Variants in PAK3 observed in about 807,000 individuals in gnomAD.
PAK3 encodes serine/threonine-protein kinase PAK 3.
A neutral mutation model predicts 41.0 loss-of-function variants in PAK3; 4 were observed. The observed-to-expected ratio is 0.10, with a 90% CI of 0.05 to 0.22. PAK3 has a LOEUF of 0.22. Ranked by LOEUF, PAK3 falls within the 10% of genes least tolerant of loss-of-function variation. PAK3 has a pLI of 1.00. For synonymous variants in PAK3, 146 were observed against 139.6 expected (o/e 1.05, Z -0.32); for missense variants, 205 against 409.9 (o/e 0.50, Z 4.32).
chrX:111,071,987 G>C (rs773686719), intron 1 of PAK3, among the ~76,000 whole-genome samples: 1 of 112,177 alleles, frequency 8.9e-6, no homozygotes, highest in East Asian at 2.8e-4. Context: ...ATTTCTAGAT[G>C]TTCTCTGGTT....
intron 1 of PAK3, among the ~76,000 whole-genome samples, chrX:111,007,024 A>G (rs2091943641): frequency 9.2e-6 from 1 of 108,619 alleles, no homozygotes; most frequent in Non-Finnish European, 1.9e-5. Flanking sequence ...GAGATTCTGC[A>G]TTTCTAATAG....
intron 1 of PAK3, among the ~76,000 whole-genome samples, chrX:111,053,085 C>T (rs747095627): frequency 3.6e-5 from 4 of 111,989 alleles, no homozygotes; most frequent in African/African-American, 1.3e-4. Flanking sequence ...CAGGAATATA[C>T]CTCCTGTGTA....
intron 16 of PAK3, among the ~76,000 whole-genome samples, chrX:111,212,566 A>G (rs1166790608): frequency 8.9e-6 from 1 of 111,978 alleles, no homozygotes; most frequent in Admixed American, 9.5e-5. Context: ...TATATAACTG[A>G]AAGTGTGGAT....
intron 1 of PAK3, among the ~76,000 whole-genome samples, chrX:111,056,571 TAC>T (rs1392410849): frequency 8.9e-6 from 1 of 112,095 alleles, no homozygotes; most frequent in Non-Finnish European, 1.9e-5. Flanking sequence ...TATAGGAACC[TAC>T]ACAGAGTACT....
chrX:111,220,465 C>T lies in PAK3; in HGVS notation c.*18C>T, dbSNP rs182716268. 2.2e-4 allele frequency: 218 copies of T among 1,009,251 alleles called. No individual in the cohort carries two copies. The African/African-American group carries it at 3.7e-3, about 17-fold the overall frequency. 83.2% of individuals were successfully genotyped at this position (1,009,251 alleles called of 1,213,427 possible). A position where few individuals can be genotyped will look rare whatever the true frequency, so the allele number is the denominator to read the frequency against. ...GCCGCTAAGACTGCAAGCCTTACAC[C>T]TCACCATCTCCCTCATGAGTAAGAC... On this transcript the variant is annotated 3_prime_UTR_variant, in exon 18 of 18. Coordinates refer to ENST00000372007, the MANE Select transcript of PAK3 (RefSeq NM_002578.5).
At chrX:111,097,830 A>C (rs2093036570) in intron 3 of PAK3, 146 bp downstream of exon 3, 1 of 111,627 alleles carries the variant, frequency 9.0e-6, no homozygotes, top group Non-Finnish European at 1.9e-5. Flanking sequence ...GCTTGGAGAG[A>C]GAGCCATTTG....
At chrX:111,002,607 G>A (rs2091865942) in intron 1 of PAK3, among the ~76,000 whole-genome samples, 1 of 111,774 alleles carries the variant, frequency 8.9e-6, no homozygotes, top group Non-Finnish European at 1.9e-5. Flanking sequence ...GACTGAGCTA[G>A]GATGAAGAGC....
At chrX:111,106,206 A>G (rs1414320627) in intron 4 of PAK3, among the ~76,000 whole-genome samples, 3 of 111,257 alleles carry the variant, frequency 2.7e-5, no homozygotes, top group Non-Finnish European at 5.7e-5. Context: ...CTACTTTCAT[A>G]CTGACACACC....
chrX:110,995,299 C>T (rs1367797586), intron 1 of PAK3, among the ~76,000 whole-genome samples: 1 of 111,300 alleles, frequency 9.0e-6, no homozygotes, highest in African/African-American at 3.3e-5. Context: ...ATTAACAGAT[C>T]AACTGGGCCC....
chrX:111,216,701 C>T (rs889293848), intron 17 of PAK3, 143 bp downstream of exon 17: 5 of 547,019 alleles, frequency 9.1e-6, no homozygotes, highest in Non-Finnish European at 1.5e-5. Context: ...TAACTATAGG[C>T]ACGCATCTAA....
At chrX:111,076,444 G>A (rs987722750) in intron 1 of PAK3, among the ~76,000 whole-genome samples, 3 of 111,378 alleles carry the variant, frequency 2.7e-5, no homozygotes, top group African/African-American at 9.8e-5. Flanking sequence ...TGTCCTCCCC[G>A]CTTGCTCTCT....
At chrX:111,158,463 G>A (rs1164158315) in intron 8 of PAK3, among the ~76,000 whole-genome samples, 2 of 112,068 alleles carry the variant, frequency 1.8e-5, no homozygotes, top group Non-Finnish European at 3.8e-5. Context: ...CACAGTGATA[G>A]TAAAGTACGC....
intron 1 of PAK3, among the ~76,000 whole-genome samples, chrX:111,003,942 C>T (rs1269424372): frequency 8.9e-6 from 1 of 112,310 alleles, no homozygotes; most frequent in African/African-American, 3.2e-5. Context: ...AATTATTGAA[C>T]ATCTCTTGGC....
chrX:110,953,184 C>T (rs1480602208), intron 1 of PAK3, among the ~76,000 whole-genome samples: 1 of 111,568 alleles, frequency 9.0e-6, no homozygotes, highest in East Asian at 2.8e-4. Context: ...TGACTCCATA[C>T]TTAATCCAAA....
At chrX:111,003,083 G>T (rs902836509) in intron 1 of PAK3, among the ~76,000 whole-genome samples, 3 of 111,927 alleles carry the variant, frequency 2.7e-5, no homozygotes, top group Non-Finnish European at 5.6e-5. Flanking sequence ...GACAAGCAAA[G>T]CACTGAGTGC....
intron 1 of PAK3, among the ~76,000 whole-genome samples, chrX:110,987,522 TGTGAACTTGCC>T (rs1479056986): frequency 8.9e-6 from 1 of 112,005 alleles, no homozygotes; most frequent in Non-Finnish European, 1.9e-5. Context: ...GCAGCTTGGC[TGTGAACTTGCC>T]GTGAGACCTG....
At chrX:111,089,489 C>T (rs1299056803) in intron 1 of PAK3, among the ~76,000 whole-genome samples, 1 of 111,798 alleles carries the variant, frequency 8.9e-6, no homozygotes, top group Non-Finnish European at 1.9e-5. Flanking sequence ...TCCATATCCA[C>T]CAGGTACAGA....
intron 9 of PAK3, 83 bp downstream of exon 9, chrX:111,163,129 A>G: frequency 2.1e-6 from 2 of 932,013 alleles, no homozygotes; most frequent in Non-Finnish European, 3.1e-6. Context: ...TTAATCAGCT[A>G]GTACCTATTA....
chrX:111,067,118 T>G (rs185512727), intron 1 of PAK3, among the ~76,000 whole-genome samples: 50 of 111,928 alleles, frequency 4.5e-4, no homozygotes, highest in Non-Finnish European at 7.5e-5. Flanking sequence ...AACAAAAATT[T>G]TGTCTCTTGC....
Sources: allele counts gnomAD v4.1 joint callset (sites outside exome capture counted in the v4.1 genomes callset), GRCh38; gene constraint gnomAD v4.1.1; transcripts MANE v1.5; gene names NCBI Gene and HGNC (gene_info 2026-07-23, HGNC 2026-07-21).